Variants in KLRK1 observed in about 807,000 individuals in gnomAD.
KLRK1 encodes the protein killer cell lectin like receptor K1, also known as NKG2-D type II integral membrane protein.
KLRK1 carries 40 observed loss-of-function variants against 31.3 expected under a neutral mutation model. The observed-to-expected ratio is 1.28, with a 90% CI of 0.99 to 1.67. KLRK1 has a LOEUF of 1.67. Ranked by LOEUF, KLRK1 falls within the 40% of genes most tolerant of loss-of-function variation. The pLI is 0.00. For synonymous variants in KLRK1, 77 were observed against 77.3 expected, an observed-to-expected ratio of 1.00 and a Z score of 0.02; for missense variants, 251 against 260.0, an observed-to-expected ratio of 0.97 and a Z score of 0.24.
chr12:10,382,723 A>C (rs1168186185), intron 3 of KLRK1, among the ~76,000 whole-genome samples: 2 of 152,196 alleles, frequency 1.3e-5, no homozygotes, highest in Non-Finnish European at 2.9e-5. Flanking sequence ...TGGTGCCTCA[A>C]CCACTCAGAT....
At chr12:10,379,905 T>A in intron 3 of KLRK1, 113 bp from the exon 4 acceptor site, 1 of 945,914 alleles carries the variant, frequency 1.1e-6, no homozygotes, top group South Asian at 2.4e-5. Context: ...TTGATCCTTT[T>A]TCTGCCTTAA....
At chr12:10,377,579 T>C (rs1862989792) in intron 7 of KLRK1, among the ~76,000 whole-genome samples, 1 of 27,938 alleles carries the variant, frequency 3.6e-5, no homozygotes, top group African/African-American at 6.3e-5. Flanking sequence ...AATTGCAAAC[T>C]AATCTAAAGT....
intron 3 of KLRK1, among the ~76,000 whole-genome samples, chr12:10,386,589 T>A (rs1863170693): frequency 6.6e-6 from 1 of 152,046 alleles, no homozygotes; most frequent in Admixed American, 6.6e-5. Flanking sequence ...TCTGGAGGGT[T>A]TTTAAAATAT....
At chr12:10,375,294 G>A (rs1225623494) in intron 7 of KLRK1, among the ~76,000 whole-genome samples, 1 of 152,156 alleles carries the variant, frequency 6.6e-6, no homozygotes, top group Non-Finnish European at 1.5e-5. Context: ...TCATTTAATA[G>A]TAAGTCTGGC....
intron 1 of KLRK1, among the ~76,000 whole-genome samples, chr12:10,389,372 T>C (rs1863232486): frequency 6.6e-6 from 1 of 152,140 alleles, no homozygotes; most frequent in Non-Finnish European, 1.5e-5. Flanking sequence ...CAACAAATTA[T>C]CATCACCATC....
intron 3 of KLRK1, among the ~76,000 whole-genome samples, chr12:10,381,110 G>A (rs1863066290): frequency 6.6e-6 from 1 of 151,912 alleles, no homozygotes; most frequent in South Asian, 2.1e-4. Flanking sequence ...CAAGCACAGA[G>A]TCTGTCCTCA....
In KLRK1 at chr12:10,372,840, C is replaced by T; in HGVS notation, c.*274G>A. ...TACCTTTAGAAATTAAAACAGCACCCCTCCCCCAGCCCATCCACTCTGGGC... is the reference window on the plus strand; with the variant it reads ...TACCTTTAGAAATTAAAACAGCACCTCTCCCCCAGCCCATCCACTCTGGGC... On this transcript the variant is annotated 3_prime_UTR_variant, in exon 8 of 8. Coordinates refer to ENST00000240618, the MANE Select transcript of KLRK1 (RefSeq NM_007360.4). 2.8e-6 allele frequency: 1 copy of T among 361,236 alleles called. No homozygotes were observed. Among genetic ancestry groups the T allele is most frequent in the South Asian group, 2.9e-5 (1 of 35,086 alleles). 22.4% of individuals were successfully genotyped at this position (361,236 alleles called of 1,614,324 possible).
At chr12:10,387,130 G>T in intron 2 of KLRK1, 120 bp from the exon 3 acceptor site, 2 of 630,696 alleles carry the variant, frequency 3.2e-6, no homozygotes, top group South Asian at 2.3e-5. Flanking sequence ...CCTTTTTAAA[G>T]TACAACATGA....
At chr12:10,387,046 G>T (rs1483111252) in intron 2 of KLRK1, 36 bp from the exon 3 acceptor site, 1 of 1,532,270 alleles carries the variant, frequency 6.5e-7, no homozygotes, top group African/African-American at 1.4e-5. Context: ...ATGAGTCATG[G>T]CCTTTCTGCC....
intron 7 of KLRK1, 109 bp from the exon 8 acceptor site, chr12:10,373,340 G>A (rs950000239): frequency 2.3e-6 from 2 of 864,126 alleles, no homozygotes; most frequent in Non-Finnish European, 3.5e-6. Flanking sequence ...ACCATTTTAG[G>A]AGATTATGGA....
chr12:10,374,471 C>T (rs1449520063), intron 7 of KLRK1, among the ~76,000 whole-genome samples: 1 of 149,596 alleles, frequency 6.7e-6, no homozygotes, highest in Non-Finnish European at 1.5e-5. Flanking sequence ...CGGCTCACTG[C>T]AACCTCCACC....
At chr12:10,381,130 G>C (rs1863066725) in intron 3 of KLRK1, among the ~76,000 whole-genome samples, 1 of 151,868 alleles carries the variant, frequency 6.6e-6, no homozygotes, top group Admixed American at 6.6e-5. Context: ...AGCATAGAGA[G>C]AGTCATGCAT....
At chr12:10,388,473 C>T (rs773732448) in intron 2 of KLRK1, among the ~76,000 whole-genome samples, 1 of 151,960 alleles carries the variant, frequency 6.6e-6, no homozygotes. Flanking sequence ...ATCTAGAGAG[C>T]GGTAAAAGTT....
chr12:10,379,214 C>CAAAAA (rs10644323), intron 5 of KLRK1: 23 of 40,104 alleles, frequency 5.7e-4, no homozygotes, highest in African/African-American at 1.3e-3. Flanking sequence ...GACCCCATCT[C>CAAAAA]AAAAAAAAAA....
chr12:10,373,287 AAAATG>A, intron 7 of KLRK1, 56 bp from the exon 8 acceptor site: 1 of 1,435,682 alleles, frequency 7.0e-7, no homozygotes, highest in Non-Finnish European at 9.4e-7. Context: ...CGGGAAAATA[AAAATG>A]AATCATACCT....
At chr12:10,377,714 C>G (rs893363103) in intron 7 of KLRK1, among the ~76,000 whole-genome samples, 2 of 152,108 alleles carry the variant, frequency 1.3e-5, no homozygotes, top group Non-Finnish European at 2.9e-5. Context: ...TCTTGATGTT[C>G]TTTATGTTTT....
In KLRK1 at chr12:10,379,454, G is replaced by T; in HGVS notation, c.270C>A (p.Pro90=). 6.8e-7 allele frequency: 1 copy of T among 1,465,836 alleles called. No homozygotes were observed. The allele number at this position is 1,465,836 out of a possible 1,614,324, so 90.8% of individuals were successfully genotyped here. A position where few individuals can be genotyped will look rare whatever the true frequency, so the allele number is the denominator to read the frequency against. The part of the protein sequence containing the change: ...NSLFNQEVQI[P]LTESYCGPCP... ...TTTTAAAAATTCACTTACCGGTCAA[G>T]GGAATTTGAACTTCTTGGTTGAATA... Residue 90 remains proline, a synonymous_variant, in exon 5 of 8, where the codon CCC becomes CCA. Coordinates refer to ENST00000240618, the MANE Select transcript of KLRK1 (RefSeq NM_007360.4).
rs528576079 is a variant in KLRK1 at position 10,380,105 on chromosome 12, G to T, written c.149-313C>A. Among the ~76,000 whole-genome samples the T allele has an allele frequency of 2.1e-4, 24 of 113,802 alleles. No homozygotes were observed. The South Asian group carries it at 6.3e-3, about 30-fold the overall frequency. 74.7% of individuals were successfully genotyped at this position (113,802 alleles called of 152,430 possible). A position where few individuals can be genotyped will look rare whatever the true frequency, so the allele number is the denominator to read the frequency against. ...TTTTGAGACGGAGTCTCGCTCTGTC[G>T]CCCAGGCTGGAGTGCAGTGGCGCGA... On this transcript the variant is annotated intron_variant, in intron 3 of 7. Transcript: ENST00000240618.
chr12:10,378,405 C>CT (rs1346720050), intron 6 of KLRK1, 149 bp downstream of exon 6: 88 of 1,395,246 alleles, frequency 6.3e-5, no homozygotes, highest in Non-Finnish European at 8.2e-5. Context: ...AATTTCTGTG[C>CT]TTTGTTATTT....
Sources: gnomAD v4.1 joint callset for allele counts (sites outside exome capture counted in the v4.1 genomes callset) on GRCh38, gnomAD v4.1.1 for gene constraint, MANE v1.5 for transcripts, NCBI Gene and HGNC (gene_info 2026-07-23, HGNC 2026-07-21) for gene names.